The following RAD51D variants were observed in gnomAD, a reference collection of about 807,000 sequenced individuals.
RAD51D encodes the protein RAD51 paralog D.
RAD51D carries 38 observed loss-of-function variants against 44.1 expected under a neutral mutation model. The observed-to-expected ratio is 0.86, with a 90% confidence interval of 0.67 to 1.13. The LOEUF is 1.13. Ranked by LOEUF, RAD51D falls within the 50% of genes most tolerant of loss-of-function variation. RAD51D has a pLI of 0.00. For synonymous variants in RAD51D, 141 were observed against 166.6 expected (o/e 0.85, Z 1.18); for missense variants, 390 against 414.0 (o/e 0.94, Z 0.50).
At chr17:35,106,174 G>A (rs1380716178) in intron 6 of RAD51D, 1 of 712,532 alleles carries the variant, frequency 1.4e-6, no homozygotes, top group Non-Finnish European at 2.6e-6. Context: ...TTCCACTCAG[G>A]GGGCTTTACT....
chr17:35,102,846 A>G (rs2091556034), intron 8 of RAD51D, among the ~76,000 whole-genome samples: 1 of 152,184 alleles, frequency 6.6e-6, no homozygotes, highest in Non-Finnish European at 1.5e-5. Context: ...TTCAATAGCA[A>G]AAAGATCCAT....
In RAD51D at chr17:35,101,043, G is replaced by A. The variant is rs2091529553; in HGVS notation, c.904-7C>T. 6.2e-7 allele frequency: 1 copy of A among 1,612,824 alleles called. No homozygotes were observed. Among genetic ancestry groups the A allele is most frequent in the Non-Finnish European group, 8.5e-7 (1 of 1,178,774 alleles). ...TCTCCTGGAAACCTGTTGGCTGGAA[G>A]AAGAAGTAAGGAGTCAGTGGAGTTA... On this transcript the variant is annotated splice_region_variant and splice_polypyrimidine_tract_variant and intron_variant, in intron 9 of 9. Coordinates refer to ENST00000345365, the MANE Select transcript of RAD51D (RefSeq NM_002878.4).
In RAD51D at chr17:35,100,571, C is replaced by G. The variant is rs2091521941; in HGVS notation, c.*382G>C. ...CAGCAAAGGCAAGTTAGAGGCTTTC[C>G]CGGCTTGGCCACTGCGCTAGGAGGG... On this transcript the variant is annotated 3_prime_UTR_variant, in exon 10 of 10. Coordinates refer to ENST00000345365, the MANE Select transcript of RAD51D (RefSeq NM_002878.4). 7.3e-6 allele frequency: 4 copies of G among 548,538 alleles called. No homozygotes were observed. The highest frequency in any genetic ancestry group is 1.4e-5 in the Non-Finnish European group (4 of 286,808). 34.0% of individuals were successfully genotyped at this position (548,538 alleles called of 1,614,324 possible).
chr17:35,107,660 T>TCAGCTCTCCAGCTCTCCAGCTCTC (rs925338487), intron 3 of RAD51D, among the ~76,000 whole-genome samples: 3 of 150,926 alleles, frequency 2.0e-5, no homozygotes, highest in Non-Finnish European at 3.0e-5. Flanking sequence ...CTCTTAAAGA[T>TCAGCTCTCCAGCTCTCCAGCTCTC]CAGCTCTCCA....
At position 35,107,086 on chromosome 17, in the gene RAD51D, G is replaced by A. The variant is rs1438461174; in HGVS notation, c.382C>T (p.Leu128=). The A allele has an allele frequency of 1.1e-5, 18 of 1,614,002 alleles. No homozygotes were observed. The highest frequency in any genetic ancestry group is 3.3e-5 in the Admixed American group (2 of 59,992). ...TCTACATATAGGACGTTTTGCTGCA[G>A]GCCATGGGCCACATTTGCTGCCATA... is the stretch of plus-strand genomic sequence containing the variant. ...LCMAANVAHG[L]QQNVLYVDSN... The change falls in exon 5 of 10, where the codon CTG becomes TTG. Residue 128 remains leucine, a synonymous_variant. Coordinates refer to ENST00000345365, the MANE Select transcript of RAD51D (RefSeq NM_002878.4).
At position 35,119,782 on chromosome 17, in the gene RAD51D, G is replaced by C. The variant is rs981794394; in HGVS notation, c.-169C>G. On this transcript the variant is annotated 5_prime_UTR_variant, in exon 1 of 10. Transcript: ENST00000345365. The stretch of plus-strand genomic sequence containing the variant: ...AGGCGGCACCAAGGGTAGGGCTGGG[G>C]GTCATCCGCCCGCCCGGGATCCGCC... The C allele has an allele frequency of 1.2e-5, 9 of 745,764 alleles. No individual in the cohort carries two copies. The highest frequency in any genetic ancestry group is 2.1e-5 in the Non-Finnish European group (9 of 428,352). The allele number at this position is 745,764 out of a possible 1,614,324, so 46.2% of individuals were successfully genotyped here. A position where few individuals can be genotyped will look rare whatever the true frequency, so the allele number is the denominator to read the frequency against.
At position 35,108,497 on chromosome 17, in the gene RAD51D, T is replaced by TAA. The variant is rs900458144; in HGVS notation, c.264-1052_264-1051dup. Among the ~76,000 whole-genome samples the TAA allele has an allele frequency of 3.4e-3, 269 of 78,420 alleles. 6 individuals carry two copies. The highest frequency in any genetic ancestry group is 4.6e-3 in the East Asian group (11 of 2,402). The allele number at this position is 78,420 out of a possible 152,430, so 51.4% of individuals were successfully genotyped here. A position where few individuals can be genotyped will look rare whatever the true frequency, so the allele number is the denominator to read the frequency against. ...CAACATAGCAAGACCCTTTTCTCTT[T>TAA]AAAAAAAAAAAAAAAAAAAAAAAAA... is the stretch of plus-strand genomic sequence containing the variant. On this transcript the variant is annotated intron_variant, in intron 3 of 9. Coordinates refer to ENST00000345365, the MANE Select transcript of RAD51D (RefSeq NM_002878.4).
chr17:35,119,327 G>T, intron 1 of RAD51D, 155 bp from the exon 2 acceptor site: 1 of 901,552 alleles, frequency 1.1e-6, no homozygotes, highest in Non-Finnish European at 1.8e-6. Context: ...AGCCGGCGCG[G>T]TGCCCTGCAC....
In RAD51D at chr17:35,107,124, T is replaced by C; in HGVS notation, c.346-2A>G. 6.2e-7 allele frequency: 1 copy of C among 1,613,940 alleles called. No individual in the cohort carries two copies. Among genetic ancestry groups the C allele is most frequent in the East Asian group, 2.2e-5 (1 of 44,868 alleles). ...ATTTGCTGCCATACAGAGACATACC[T>C]GGGGGTGGGGGCATTGGATGAACTT... On this transcript the variant is annotated splice_acceptor_variant, in intron 4 of 9. Transcript: ENST00000345365. LOFTEE classifies it high-confidence loss of function.
At chr17:35,106,155 A>T (rs754599127) in intron 6 of RAD51D, 2 of 685,514 alleles carry the variant, frequency 2.9e-6, no homozygotes, top group Non-Finnish European at 5.5e-6. Flanking sequence ...CATAAATATG[A>T]CATGATCCTT....
chr17:35,101,297 G>T lies in RAD51D; in HGVS notation c.807C>A (p.Ser269Arg). 1 of 1,614,154 alleles carries T rather than the reference G, an allele frequency of 6.2e-7. No homozygotes were observed. Among genetic ancestry groups the T allele is most frequent in the Non-Finnish European group, 8.5e-7 (1 of 1,180,028 alleles). Reference protein sequence around the residue: ...RLKPALGRSWSFVPSTRILLD... With the variant: ...RLKPALGRSWRFVPSTRILLD... ...GGAGAATCCGAGTGCTGGGCACAAA[G>T]CTCCAGGAGCGTCCGAGGGCAGGTT... The change falls in exon 9 of 10, where the codon AGC becomes AGA. Residue 269 changes from serine to arginine, a missense_variant. By Grantham distance (110) the Ser-to-Arg change is moderately radical. Transcript: ENST00000345365.
rs1159521088 is a variant in RAD51D at position 35,117,159 on chromosome 17, C to A, written c.263+1342G>T. 7.1e-6 allele frequency: 8 copies of A among 1,119,990 alleles called. No individual in the cohort carries two copies. The South Asian group carries it at 9.2e-5, about 13-fold the overall frequency. The allele number at this position is 1,119,990 out of a possible 1,614,324, so 69.4% of individuals were successfully genotyped here. A position where few individuals can be genotyped will look rare whatever the true frequency, so the allele number is the denominator to read the frequency against. On this transcript the variant is annotated intron_variant, in intron 3 of 9. Coordinates refer to ENST00000345365, the MANE Select transcript of RAD51D (RefSeq NM_002878.4). ...TGTATTCACTTGATTTTCCCCTACA[C>A]CCAACTAGAGGCCTTAAGGGCAGGG...
rs565201978 is a variant in RAD51D, at chr17:35,110,742, C to T, written c.264-3295G>A. On this transcript the variant is annotated intron_variant, in intron 3 of 9. Transcript: ENST00000345365. ...ATCCCAGCATTTTGGGAGGCTGAGGCGGGAGCATTGCTTGAGCCCAGGAGT... is the reference window on the plus strand; with the variant it reads ...ATCCCAGCATTTTGGGAGGCTGAGGTGGGAGCATTGCTTGAGCCCAGGAGT... 3.7e-3 allele frequency among the ~76,000 whole-genome samples: 562 copies of T among 152,270 alleles called. 4 individuals carry two copies. Among genetic ancestry groups the T allele is most frequent in the African/African-American group, 0.012 (499 of 41,558 alleles).
intron 3 of RAD51D, among the ~76,000 whole-genome samples, chr17:35,112,489 C>T (rs756575742): frequency 1.3e-5 from 2 of 151,844 alleles, no homozygotes; most frequent in South Asian, 2.1e-4. Context: ...GTGATTCTCC[C>T]GTCTCAGCCT....
Position 35,107,380 on chromosome 17 carries a change from T to TA in RAD51D, c.330dup (p.Ser111Ter), listed in dbSNP as rs786202434. On this transcript the variant is annotated frameshift_variant, in exon 4 of 10. Transcript: ENST00000345365. LOFTEE classifies it high-confidence loss of function. ...CTCACATGTACCTGAGTTTTGCCGC[T>TA]ACCTGGGCCTCCTACAATTTCAGTC... The TA allele has an allele frequency of 2.6e-6, 4 of 1,559,162 alleles. No homozygotes were observed. The highest frequency in any genetic ancestry group is 3.5e-6 in the Non-Finnish European group (4 of 1,130,086).
intron 6 of RAD51D, among the ~76,000 whole-genome samples, chr17:35,105,145 T>C (rs1335771257): frequency 6.6e-6 from 1 of 152,244 alleles, no homozygotes; most frequent in East Asian, 1.9e-4. Context: ...GTTCTTGCCC[T>C]AAATATTTGG....
At chr17:35,101,761 C>A (rs1323857048) in intron 8 of RAD51D, among the ~76,000 whole-genome samples, 1 of 152,148 alleles carries the variant, frequency 6.6e-6, no homozygotes, top group African/African-American at 2.4e-5. Context: ...GGTGGATGAA[C>A]CTTCTGGACA....
chr17:35,112,602 T>C (rs1383910662), intron 3 of RAD51D, among the ~76,000 whole-genome samples: 5 of 152,160 alleles, frequency 3.3e-5, no homozygotes, highest in Non-Finnish European at 7.3e-5. Context: ...GGTCTCGAAC[T>C]CCTGACCTCA....
In RAD51D at chr17:35,106,446, T is replaced by C. The variant is rs2142429380; in HGVS notation, c.516A>G (p.Ala172=). The C allele has an allele frequency of 6.2e-7, 1 of 1,613,346 alleles. No individual in the cohort carries two copies. Among genetic ancestry groups the C allele is most frequent in the African/African-American group, 1.3e-5 (1 of 75,032 alleles). ...CATCCAGCATCTGGAAGATGTCAAA[T>C]GCATGCACCACCTGGATCCTCCGGA... ...EALRRIQVVH[A]FDIFQMLDVL... Residue 172 remains alanine, a synonymous_variant, in exon 6 of 10, where the codon GCA becomes GCG. Coordinates refer to ENST00000345365, the MANE Select transcript of RAD51D (RefSeq NM_002878.4).
Sources: gnomAD v4.1 joint callset for allele counts (sites outside exome capture counted in the v4.1 genomes callset) on GRCh38, gnomAD v4.1.1 for gene constraint, MANE v1.5 for transcripts, NCBI Gene and HGNC (gene_info 2026-07-23, HGNC 2026-07-21) for gene names.